Variants in ACAD10 observed in about 807,000 individuals in gnomAD.
ACAD10 encodes acyl-CoA dehydrogenase family member 10, also known as ACAD-10.
In ACAD10, 112 loss-of-function variants were observed where a neutral mutation model predicts 116.8. The observed-to-expected ratio is 0.96, with a 90% confidence interval of 0.82 to 1.12. The LOEUF (loss-of-function observed/expected upper bound fraction) is 1.12, where lower values mean the gene tolerates loss of function less well. Ranked by LOEUF, ACAD10 falls within the 50% of genes most tolerant of loss-of-function variation. ACAD10 has a pLI of 0.00. For missense variants in ACAD10, 1,259 were observed against 1,350.2 expected (o/e 0.93, Z 1.06); for synonymous variants, 486 against 510.6 (o/e 0.95, Z 0.65).
At position 111,715,854 on chromosome 12, in the gene ACAD10, A is replaced by C; in HGVS notation, c.884A>C (p.Gln295Pro). The change falls in exon 7 of 21, where the codon CAG becomes CCG. Residue 295 changes from glutamine (Q) to proline (P), a missense_variant. Gln to Pro is a moderately conservative substitution (Grantham distance 76). Transcript: ENST00000313698. ...PLELLQFDHG[Q>P]SNPTYYIRLA... ...GAACTACTTCAGTTTGATCACGGGC[A>C]GTCAAATCCAACTTACTACATCAGG... 1 of 1,614,178 alleles carries C rather than the reference A, an allele frequency of 6.2e-7. No homozygotes were observed. Among genetic ancestry groups the C allele is most frequent in the Non-Finnish European group, 8.5e-7 (1 of 1,180,028 alleles).
intron 10 of ACAD10, among the ~76,000 whole-genome samples, chr12:111,730,292 T>C (rs1171717445): frequency 6.6e-6 from 1 of 152,132 alleles, no homozygotes; most frequent in African/African-American, 2.4e-5. Context: ...GCAGCATTCC[T>C]CTGTTGAGAC....
At chr12:111,705,659 G>A in intron 3 of ACAD10, 79 bp from the exon 4 acceptor site, 1 of 1,342,142 alleles carries the variant, frequency 7.5e-7, no homozygotes, top group South Asian at 1.4e-5. Flanking sequence ...CCAGGAATAA[G>A]CATTTTTTTT....
At chr12:111,722,043 T>C in intron 8 of ACAD10, 1 of 196,542 alleles carries the variant, frequency 5.1e-6, no homozygotes, top group Non-Finnish European at 1.0e-5. Flanking sequence ...AACTGTTTTG[T>C]TTTGTTTTTT....
Position 111,727,892 on chromosome 12 carries a change from A to G in ACAD10, c.1062-70A>G. 2.7e-6 allele frequency: 4 copies of G among 1,468,468 alleles called. No individual in the cohort carries two copies. In the East Asian group the frequency reaches 6.9e-5, roughly 25 times the overall value. The allele number at this position is 1,468,468 out of a possible 1,614,324, so 91.0% of individuals were successfully genotyped here. A position where few individuals can be genotyped will look rare whatever the true frequency, so the allele number is the denominator to read the frequency against. On this transcript the variant is annotated intron_variant, in intron 8 of 20. Coordinates refer to ENST00000313698, the MANE Select transcript of ACAD10 (RefSeq NM_025247.6). ...GTATACCCAGGGAAAGTGACAAAGA[A>G]TAGGGTCATGACTAACAGCCTGCCA...
chr12:111,756,145 G>A (rs2068081832), intron 20 of ACAD10, 188 bp from the exon 21 acceptor site: 1 of 1,424,040 alleles, frequency 7.0e-7, no homozygotes, highest in South Asian at 1.6e-5. Flanking sequence ...GGGGAGTCTG[G>A]AGGCCGTGGG....
At chr12:111,716,011 C>T (rs371976726) in intron 7 of ACAD10, 49 bp downstream of exon 7, 74 of 1,609,470 alleles carry the variant, frequency 4.6e-5, no homozygotes, top group Non-Finnish European at 5.7e-5. Context: ...CTCCACTGTG[C>T]ACAAGCTCAG....
intron 2 of ACAD10, among the ~76,000 whole-genome samples, chr12:111,697,798 A>G (rs1221553121): frequency 6.6e-6 from 1 of 151,754 alleles, no homozygotes; most frequent in Non-Finnish European, 1.5e-5. Context: ...GTTAGCCAGG[A>G]TGATCTCAAT....
chr12:111,693,046 G>A (rs1888100086), intron 2 of ACAD10, 150 bp downstream of exon 2: 1 of 774,468 alleles, frequency 1.3e-6, no homozygotes, highest in Non-Finnish European at 2.0e-6. Flanking sequence ...GCACCACTAG[G>A]GGGCTGAGTG....
intron 3 of ACAD10, among the ~76,000 whole-genome samples, chr12:111,702,763 C>T (rs1040185946): frequency 6.6e-6 from 1 of 151,842 alleles, no homozygotes; most frequent in African/African-American, 2.4e-5. Context: ...TTCTTTCACC[C>T]CTAGGTGTTC....
chr12:111,723,202 C>A (rs1390133266), intron 8 of ACAD10, among the ~76,000 whole-genome samples: 1 of 140,952 alleles, frequency 7.1e-6, no homozygotes, highest in Non-Finnish European at 1.6e-5. Flanking sequence ...GCTGACCCCC[C>A]CTCCTCCCTC....
At chr12:111,756,069 G>A (rs1233605819) in intron 20 of ACAD10, 4 of 1,248,668 alleles carry the variant, frequency 3.2e-6, no homozygotes, top group Non-Finnish European at 4.3e-6. Flanking sequence ...CATGCAGGGG[G>A]GCCGCCTCCT....
chr12:111,712,420 A>C, intron 5 of ACAD10, 78 bp from the exon 6 acceptor site: 1 of 1,348,130 alleles, frequency 7.4e-7, no homozygotes, highest in Non-Finnish European at 1.0e-6. Flanking sequence ...ACGTGTATAT[A>C]TTCTCAACAT....
intron 18 of ACAD10, 57 bp from the exon 19 acceptor site, chr12:111,753,715 T>C: frequency 1.2e-6 from 2 of 1,612,516 alleles, no homozygotes; most frequent in South Asian, 2.2e-5. Flanking sequence ...AGCCCCCGCC[T>C]CTCGTGGCCA....
rs1593054603 is a variant in ACAD10, at chr12:111,748,453, G to A, written c.2622G>A (p.Val874=). 2 of 1,613,698 alleles carry A rather than the reference G, an allele frequency of 1.2e-6. No individual in the cohort carries two copies. Among genetic ancestry groups the A allele is most frequent in the Non-Finnish European group, 8.5e-7 (1 of 1,180,050 alleles). ...TAAAAATCATCCGGCCTCTGACGGT[G>A]TATGGACTGGAAGATGCACCAGGTG... ...PGIKIIRPLT[V]YGLEDAPGGH... is the part of the protein sequence containing the mutation. The change falls in exon 17 of 21, where the codon GTG becomes GTA. Residue 874 remains valine, a synonymous_variant. Transcript: ENST00000313698.
intron 2 of ACAD10, among the ~76,000 whole-genome samples, chr12:111,695,000 C>T (rs1888156270): frequency 6.6e-6 from 1 of 152,146 alleles, no homozygotes; most frequent in Non-Finnish European, 1.5e-5. Flanking sequence ...TGCACTCCAG[C>T]CTGGGTGACA....
Position 111,749,095 on chromosome 12 carries a change from C to G in ACAD10, c.2645-78C>G, listed in dbSNP as rs576528171. On this transcript the variant is annotated intron_variant, in intron 17 of 20. Coordinates refer to ENST00000313698, the MANE Select transcript of ACAD10 (RefSeq NM_025247.6). ...GCAGGGACATTGCCAGCAGATAACC[C>G]AGACTGAGGTGAGGAATAAACACAT... is the stretch of plus-strand genomic sequence containing the variant. The G allele has an allele frequency of 3.2e-5, 52 of 1,613,714 alleles. No individual in the cohort carries two copies. The African/African-American group carries it at 6.5e-4, about 20-fold the overall frequency.
intron 10 of ACAD10, 52 bp from the exon 11 acceptor site, chr12:111,733,871 C>G (rs1889472447): frequency 6.2e-7 from 1 of 1,610,776 alleles, no homozygotes; most frequent in African/African-American, 1.3e-5. Context: ...CAGAATCCAC[C>G]CTAGCCGGCA....
chr12:111,700,649 A>G (rs554881369), intron 2 of ACAD10, among the ~76,000 whole-genome samples: 1 of 149,676 alleles, frequency 6.7e-6, no homozygotes, highest in African/African-American at 2.5e-5. Flanking sequence ...AAGTCTTGTT[A>G]TTTTCAAAGG....
At chr12:111,700,791 T>C (rs1413434419) in intron 2 of ACAD10, among the ~76,000 whole-genome samples, 1 of 145,654 alleles carries the variant, frequency 6.9e-6, no homozygotes, top group East Asian at 2.1e-4. Context: ...GGGGTCTTGC[T>C]CTATGTCCCT....
Sources: allele counts gnomAD v4.1 joint callset (sites outside exome capture counted in the v4.1 genomes callset), GRCh38; gene constraint gnomAD v4.1.1; transcripts MANE v1.5; gene names NCBI Gene and HGNC (gene_info 2026-07-23, HGNC 2026-07-21).